The following KIAA1217 variants were observed in gnomAD, a reference collection of about 807,000 sequenced individuals.
KIAA1217 encodes the protein sickle tail protein homolog.
In KIAA1217, 88 loss-of-function variants were observed where a neutral mutation model predicts 163.9. The ratio of observed to expected loss-of-function variants is 0.54; its 90% CI spans 0.45 to 0.64. The LOEUF is 0.64. Among genes scored for constraint, KIAA1217 ranks in the 30% least tolerant of loss-of-function variants. The pLI, the probability that KIAA1217 is intolerant of heterozygous loss-of-function variation, is 0.00. For synonymous variants in KIAA1217, 903 were observed against 923.1 expected, an observed-to-expected ratio of 0.98 and a Z score of 0.39; for missense variants, 2,372 against 2,475.0, an observed-to-expected ratio of 0.96 and a Z score of 0.88.
At chr10:23,758,829 C>T (rs931396653) in intron 1 of KIAA1217, among the ~76,000 whole-genome samples, 1 of 151,070 alleles carries the variant, frequency 6.6e-6, no homozygotes, top group African/African-American at 2.4e-5. Flanking sequence ...TGGGATTACA[C>T]GTGTGTGCTA....
At chr10:23,891,696 C>A (rs1207744873) in intron 1 of KIAA1217, among the ~76,000 whole-genome samples, 1 of 151,952 alleles carries the variant, frequency 6.6e-6, no homozygotes, top group Admixed American at 6.6e-5. Context: ...TTCTCCCTAA[C>A]AACCTAGTGT....
rs193185483 is a variant in KIAA1217 at position 24,003,891 on chromosome 10, T to C, written c.-320-3334T>C. 1.6e-3 allele frequency among the ~76,000 whole-genome samples: 245 copies of C among 152,376 alleles called. 1 individual carries two copies. Among genetic ancestry groups the C allele is most frequent in the African/African-American group, 5.6e-3 (233 of 41,590 alleles). Reference sequence around the variant, plus strand: ...GAGTTTAACTGATTTGAAGTTCATATTTACTAAATAAACCCTCTCTTCCAA... The same window carrying C: ...GAGTTTAACTGATTTGAAGTTCATACTTACTAAATAAACCCTCTCTTCCAA... On this transcript the variant is annotated intron_variant, in intron 1 of 18. Coordinates refer to the KIAA1217 transcript ENST00000376462.
intron 2 of KIAA1217, among the ~76,000 whole-genome samples, chr10:24,180,173 T>C (rs373829250): frequency 2.6e-5 from 4 of 152,130 alleles, no homozygotes; most frequent in Middle Eastern, 3.4e-3. Flanking sequence ...TATGCCAAAG[T>C]GGCTTCTTTT....
chr10:23,740,532 A>T (rs898294863), intron 1 of KIAA1217, among the ~76,000 whole-genome samples: 13 of 152,046 alleles, frequency 8.6e-5, no homozygotes, highest in Admixed American at 5.9e-4. Flanking sequence ...TGAATTTTTT[A>T]AAATTTTTGT....
intron 1 of KIAA1217, among the ~76,000 whole-genome samples, chr10:23,843,631 G>A (rs1214519209): frequency 1.3e-5 from 2 of 152,190 alleles, no homozygotes; most frequent in South Asian, 2.1e-4. Context: ...AGTTGGGTTT[G>A]GCCAATGGTG....
intron 1 of KIAA1217, among the ~76,000 whole-genome samples, chr10:23,867,654 G>C (rs1358044713): frequency 6.6e-6 from 1 of 152,128 alleles, no homozygotes; most frequent in East Asian, 1.9e-4. Context: ...ATCTTCTTTT[G>C]AGAAGTGTCT....
chr10:24,168,516 C>T (rs1179317770), intron 2 of KIAA1217, among the ~76,000 whole-genome samples: 2 of 152,182 alleles, frequency 1.3e-5, no homozygotes, highest in African/African-American at 4.8e-5. Context: ...GGGTGTGGAC[C>T]ATTCTCTCCC....
At chr10:23,963,518 A>G (rs1844911569) in intron 1 of KIAA1217, among the ~76,000 whole-genome samples, 1 of 152,200 alleles carries the variant, frequency 6.6e-6, no homozygotes, top group Non-Finnish European at 1.5e-5. Context: ...TCTATCATTA[A>G]TGGACATGTG....
At chr10:23,884,687 TA>T (rs1841097266) in intron 1 of KIAA1217, among the ~76,000 whole-genome samples, 1 of 151,964 alleles carries the variant, frequency 6.6e-6, no homozygotes, top group Non-Finnish European at 1.5e-5. Flanking sequence ...CTATAAAACA[TA>T]ATCTCTTGCT....
At chr10:24,175,971 G>C (rs2065870163) in intron 2 of KIAA1217, among the ~76,000 whole-genome samples, 1 of 152,178 alleles carries the variant, frequency 6.6e-6, no homozygotes, top group South Asian at 2.1e-4. Context: ...AAGGGAGAAA[G>C]AACAAATCTT....
At chr10:23,820,897 A>T (rs768787266) in intron 1 of KIAA1217, among the ~76,000 whole-genome samples, 1 of 152,310 alleles carries the variant, frequency 6.6e-6, no homozygotes, top group Non-Finnish European at 1.5e-5. Flanking sequence ...TGGCAAAATC[A>T]TCGCTGTAAG....
At chr10:24,120,099 C>G (rs1172392038) in intron 2 of KIAA1217, among the ~76,000 whole-genome samples, 1 of 152,152 alleles carries the variant, frequency 6.6e-6, no homozygotes, top group Non-Finnish European at 1.5e-5. Flanking sequence ...CTCCCAGAAC[C>G]GGCCTTGTTA....
intron 1 of KIAA1217, among the ~76,000 whole-genome samples, chr10:23,719,306 T>C (rs112851494): frequency 0.02 from 3,088 of 152,222 alleles, 121 homozygotes; most frequent in African/African-American, 0.07. Context: ...CTAGTCCGGG[T>C]GCCGTGGCTC....
chr10:23,885,562 C>T (rs1054768167), intron 1 of KIAA1217, among the ~76,000 whole-genome samples: 4 of 152,108 alleles, frequency 2.6e-5, no homozygotes, highest in Non-Finnish European at 4.4e-5. Context: ...TCTTTATAGA[C>T]TTGATCTCCT....
intron 1 of KIAA1217, among the ~76,000 whole-genome samples, chr10:23,950,708 A>G (rs1844299182): frequency 6.6e-6 from 1 of 152,010 alleles, no homozygotes. Flanking sequence ...ATGAAAAGGG[A>G]TGGGGTGGGG....
At chr10:23,835,173 T>C (rs866483363) in intron 1 of KIAA1217, among the ~76,000 whole-genome samples, 2 of 151,744 alleles carry the variant, frequency 1.3e-5, no homozygotes, top group East Asian at 3.9e-4. Context: ...ATGAAGAGGA[T>C]CTAAGAGAGA....
chr10:24,100,359 G>A (rs1249523866), intron 2 of KIAA1217, among the ~76,000 whole-genome samples: 3 of 152,110 alleles, frequency 2.0e-5, no homozygotes, highest in Admixed American at 6.6e-5. Context: ...TCTGTGACTC[G>A]GTATGAAGCC....
intron 1 of KIAA1217, among the ~76,000 whole-genome samples, chr10:23,921,139 T>C (rs912535727): frequency 3.3e-5 from 5 of 152,220 alleles, no homozygotes; most frequent in African/African-American, 9.6e-5. Flanking sequence ...AAACTTTTTG[T>C]TTGTTTTAAA....
chr10:24,309,047 C>T (rs1428801277), intron 2 of KIAA1217, among the ~76,000 whole-genome samples: 1 of 149,762 alleles, frequency 6.7e-6, no homozygotes, highest in Non-Finnish European at 1.5e-5. Flanking sequence ...CACTTGAACC[C>T]AGGAGGCGGA....
Sources: allele counts gnomAD v4.1 joint callset (sites outside exome capture counted in the v4.1 genomes callset), GRCh38; gene constraint gnomAD v4.1.1; transcripts MANE v1.5; gene names NCBI Gene and HGNC (gene_info 2026-07-23, HGNC 2026-07-21).